Variants in MYO1D observed in about 807,000 individuals in gnomAD.
MYO1D encodes unconventional myosin-Id.
A neutral mutation model predicts 122.0 loss-of-function variants in MYO1D; 83 were observed. The ratio of observed to expected loss-of-function variants is 0.68; its 90% confidence interval spans 0.57 to 0.82. The LOEUF (loss-of-function observed/expected upper bound fraction) is 0.82. Ranked by LOEUF, MYO1D falls within the 40% of genes least tolerant of loss-of-function variation. The probability of loss-of-function intolerance (pLI) is 0.00; values close to 1 mark genes in which losing one functional copy is unlikely to be tolerated. For missense variants in MYO1D, 1,157 were observed against 1,269.5 expected, an observed-to-expected ratio of 0.91 and a Z score of 1.35; for synonymous variants, 464 against 446.9, an observed-to-expected ratio of 1.04 and a Z score of -0.48.
chr17:32,573,807 G>T (rs2087252349), intron 21 of MYO1D, among the ~76,000 whole-genome samples: 1 of 152,152 alleles, frequency 6.6e-6, no homozygotes, highest in African/African-American at 2.4e-5. Flanking sequence ...TTACAAGTGT[G>T]AGCCACTGTG....
At chr17:32,817,065 A>C (rs1158896485) in intron 1 of MYO1D, among the ~76,000 whole-genome samples, 1 of 152,186 alleles carries the variant, frequency 6.6e-6, no homozygotes, top group Admixed American at 6.5e-5. Flanking sequence ...AAATAAAAAT[A>C]GTAATTATCT....
At chr17:32,553,989 G>A (rs758112297) in intron 21 of MYO1D, among the ~76,000 whole-genome samples, 56 of 152,150 alleles carry the variant, frequency 3.7e-4, no homozygotes, top group Non-Finnish European at 5.4e-4. Context: ...CCTTTCTATG[G>A]CTCTGCCTCT....
intron 20 of MYO1D, 143 bp from the exon 21 acceptor site, chr17:32,605,384 C>A (rs2087614451): frequency 1.8e-5 from 12 of 662,760 alleles, no homozygotes; most frequent in Non-Finnish European, 2.8e-5. Flanking sequence ...CATTTGAGCC[C>A]TGGAGTTTGA....
chr17:32,630,738 A>AT (rs1006443968), intron 20 of MYO1D, among the ~76,000 whole-genome samples: 6 of 151,534 alleles, frequency 4.0e-5, no homozygotes, highest in Non-Finnish European at 5.9e-5. Context: ...ACATCTGGCT[A>AT]TTTTTTTTGT....
intron 5 of MYO1D, among the ~76,000 whole-genome samples, chr17:32,772,116 C>G (rs1478874968): frequency 1.3e-5 from 2 of 152,142 alleles, no homozygotes; most frequent in African/African-American, 4.8e-5. Flanking sequence ...TGTCACCGTT[C>G]AGTTACTTTC....
chr17:32,842,799 C>A lies in MYO1D; in HGVS notation c.95+33979G>T, dbSNP rs16967677. On this transcript the variant is annotated intron_variant, in intron 1 of 21. Transcript: ENST00000318217. Reference sequence around the variant, plus strand: ...TTCTAGGAAAGTCTCTAAGATTCTACCTAACCCAAATCACTATTTCTTTCA... The same window carrying A: ...TTCTAGGAAAGTCTCTAAGATTCTAACTAACCCAAATCACTATTTCTTTCA... 3.3e-3 allele frequency among the ~76,000 whole-genome samples: 500 copies of A among 152,210 alleles called. 10 individuals are homozygous for A. The highest frequency in any genetic ancestry group is 0.027 in the Admixed American group (420 of 15,288).
intron 16 of MYO1D, 117 bp from the exon 17 acceptor site, chr17:32,659,455 C>T (rs1407321127): frequency 2.0e-6 from 2 of 983,964 alleles, no homozygotes; most frequent in African/African-American, 1.6e-5. Flanking sequence ...CAAGTGTGCA[C>T]AAAAATCAGC....
chr17:32,528,091 C>A (rs1050006562), intron 21 of MYO1D, among the ~76,000 whole-genome samples: 5 of 152,222 alleles, frequency 3.3e-5, no homozygotes, highest in African/African-American at 7.2e-5. Flanking sequence ...CATACCTCAG[C>A]CTCCCAAAGT....
intron 21 of MYO1D, among the ~76,000 whole-genome samples, chr17:32,567,321 G>T (rs534432148): frequency 6.6e-6 from 1 of 152,324 alleles, no homozygotes; most frequent in African/African-American, 2.4e-5. Context: ...GCGAATGAAT[G>T]TATTTAAACA....
intron 21 of MYO1D, among the ~76,000 whole-genome samples, chr17:32,551,807 T>C (rs1423265344): frequency 6.6e-6 from 1 of 152,252 alleles, no homozygotes; most frequent in Non-Finnish European, 1.5e-5. Flanking sequence ...TCTTGCTCAC[T>C]TCCTGTACAG....
In MYO1D at chr17:32,685,200, A is replaced by G. The variant is rs554648962; in HGVS notation, c.2122-25862T>C. 1.2e-4 allele frequency among the ~76,000 whole-genome samples: 18 copies of G among 152,290 alleles called. No homozygotes were observed. In the South Asian group the frequency reaches 3.7e-3, roughly 32 times the overall value. ...ATATAATTCCTCTATTATTGGAATG[A>G]GAGGGAAGAAAAAAAATTAGACTGG... On this transcript the variant is annotated intron_variant, in intron 16 of 21. Transcript: ENST00000318217.
At chr17:32,624,347 C>T (rs565511343) in intron 20 of MYO1D, among the ~76,000 whole-genome samples, 22 of 151,706 alleles carry the variant, frequency 1.5e-4, no homozygotes, top group Admixed American at 2.0e-4. Flanking sequence ...CCATTGCGCC[C>T]GGCCGGCCTG....
At chr17:32,865,980 T>C (rs1278800225) in intron 1 of MYO1D, among the ~76,000 whole-genome samples, 1 of 152,254 alleles carries the variant, frequency 6.6e-6, no homozygotes, top group Non-Finnish European at 1.5e-5. Flanking sequence ...AAAACCATGA[T>C]TAGAGTCATA....
chr17:32,736,434 CAGG>C (rs577755858), intron 14 of MYO1D, among the ~76,000 whole-genome samples: 43 of 152,224 alleles, frequency 2.8e-4, no homozygotes, highest in African/African-American at 9.9e-4. Flanking sequence ...CATCATGGAC[CAGG>C]AGGTTGGGTG....
chr17:32,657,176 TGAA>T (rs1307836853), intron 17 of MYO1D, among the ~76,000 whole-genome samples: 1 of 152,218 alleles, frequency 6.6e-6, no homozygotes, highest in Non-Finnish European at 1.5e-5. Context: ...AGAATTACTG[TGAA>T]GAACAGGAGT....
Position 32,601,014 on chromosome 17 carries a change from C to T in MYO1D, c.2864+4073G>A, listed in dbSNP as rs114892008. 9.6e-3 allele frequency among the ~76,000 whole-genome samples: 1,442 copies of T among 150,928 alleles called. 24 individuals carry two copies. Among genetic ancestry groups the T allele is most frequent in the African/African-American group, 0.033 (1,369 of 41,040 alleles). The stretch of plus-strand genomic sequence containing the variant: ...TCACCCAGGTTGAAGTGCAGTGGCA[C>T]GATCATCGCTCACTGCAGCCTTGAA... On this transcript the variant is annotated intron_variant, in intron 21 of 21. Coordinates refer to ENST00000318217, the MANE Select transcript of MYO1D (RefSeq NM_015194.3).
chr17:32,788,372 C>G (rs2090318257), intron 1 of MYO1D, among the ~76,000 whole-genome samples: 1 of 152,164 alleles, frequency 6.6e-6, no homozygotes. Flanking sequence ...AAGCCAATGT[C>G]TAGAAGAGTT....
rs116535467 is a variant in MYO1D, at chr17:32,692,170, T to A, written c.2121+19818A>T. Among the ~76,000 whole-genome samples the A allele has an allele frequency of 1.7e-3, 255 of 152,352 alleles. 1 individual carries two copies. Among genetic ancestry groups the A allele is most frequent in the African/African-American group, 5.9e-3 (245 of 41,584 alleles). ...AAATATACACATTTCCCAGAACATG[T>A]TGAATATTTCATAAACTTTCTGTTT... On this transcript the variant is annotated intron_variant, in intron 16 of 21. Coordinates refer to ENST00000318217, the MANE Select transcript of MYO1D (RefSeq NM_015194.3).
intron 1 of MYO1D, among the ~76,000 whole-genome samples, chr17:32,783,157 CA>C (rs5819997): frequency 2.4e-3 from 354 of 145,220 alleles, no homozygotes; most frequent in African/African-American, 7.0e-3. Flanking sequence ...ACTGTCCAAA[CA>C]AAAAAAAAAA....
Sources: gnomAD v4.1 joint callset for allele counts (sites outside exome capture counted in the v4.1 genomes callset) on GRCh38, gnomAD v4.1.1 for gene constraint, MANE v1.5 for transcripts, NCBI Gene and HGNC (gene_info 2026-07-23, HGNC 2026-07-21) for gene names.